Variants in THSD4 observed in about 807,000 individuals in gnomAD.
THSD4 encodes thrombospondin type-1 domain-containing protein 4.
THSD4 carries 69 observed loss-of-function variants against 119.0 expected under a neutral mutation model. That is an observed-to-expected ratio of 0.58 (90% confidence interval 0.48 to 0.71). THSD4 has a LOEUF of 0.71. THSD4 is among the 30% of genes least tolerant of loss of function. THSD4 has a pLI of 0.00. For missense variants in THSD4, 1,393 were observed against 1,391.1 expected, an observed-to-expected ratio of 1.00 and a Z score of -0.02; for synonymous variants, 524 against 540.4, an observed-to-expected ratio of 0.97 and a Z score of 0.42.
Position 71,552,062 on chromosome 15 carries a change from G to A in THSD4, c.1153-108468G>A, listed in dbSNP as rs558349794. Among the ~76,000 whole-genome samples, 18 of 151,328 alleles carry A rather than the reference G, an allele frequency of 1.2e-4. No individual in the cohort carries two copies. The South Asian group carries it at 3.4e-3, about 28-fold the overall frequency. ...CACTTTAAGTGGGAAAAGAGGGGGA[G>A]CATTCCAGGCAGAGGGAAAACATCT... is the stretch of plus-strand genomic sequence containing the variant. On this transcript the variant is annotated intron_variant, in intron 7 of 17. Transcript: ENST00000261862.
intron 2 of THSD4, among the ~76,000 whole-genome samples, chr15:71,144,889 C>A (rs1260096599): frequency 6.6e-6 from 1 of 151,964 alleles, no homozygotes; most frequent in Non-Finnish European, 1.5e-5. Flanking sequence ...TCCATGTGGA[C>A]CAAAGTGTAG....
At chr15:71,259,411 A>G (rs1201249674) in intron 6 of THSD4, among the ~76,000 whole-genome samples, 1 of 152,202 alleles carries the variant, frequency 6.6e-6, no homozygotes, top group Non-Finnish European at 1.5e-5. Context: ...CAGCTCTAGG[A>G]AACTAATACA....
chr15:71,268,787 A>G (rs1224213073), intron 6 of THSD4, among the ~76,000 whole-genome samples: 3 of 151,980 alleles, frequency 2.0e-5, no homozygotes, highest in Admixed American at 2.0e-4. Flanking sequence ...AGGGTAGATC[A>G]CTGATCCCAC....
chr15:71,227,232 A>G (rs1457252599), intron 4 of THSD4, among the ~76,000 whole-genome samples: 2 of 152,218 alleles, frequency 1.3e-5, no homozygotes, highest in Admixed American at 1.3e-4. Flanking sequence ...GAAGTATTTC[A>G]TTAGTTATCA....
At chr15:71,382,673 C>G (rs2046243227) in intron 6 of THSD4, among the ~76,000 whole-genome samples, 1 of 152,010 alleles carries the variant, frequency 6.6e-6, no homozygotes, top group Non-Finnish European at 1.5e-5. Context: ...GTTTTAATTA[C>G]CTTATATTTA....
chr15:71,463,030 C>T (rs1227100657), intron 7 of THSD4, among the ~76,000 whole-genome samples: 2 of 152,182 alleles, frequency 1.3e-5, no homozygotes, highest in Non-Finnish European at 2.9e-5. Context: ...CTGTGATCAA[C>T]TAAAATTATC....
At chr15:71,646,491 A>G (rs375029165) in intron 7 of THSD4, among the ~76,000 whole-genome samples, 7 of 152,260 alleles carry the variant, frequency 4.6e-5, no homozygotes, top group Admixed American at 3.9e-4. Flanking sequence ...TAACATTCCA[A>G]TCAGCTACTG....
rs555852167 is a variant in THSD4 at position 71,187,589 on chromosome 15, G to A, written c.100-27446G>A. On this transcript the variant is annotated intron_variant, in intron 3 of 17. Coordinates refer to ENST00000261862, the MANE Select transcript of THSD4 (RefSeq NM_024817.3). ...CAAAGGCAGTGACTTTGAAAGGACC[G>A]TGGCTGTGGAATTAGAGACAGATGC... 9 of 152,778 alleles carry A rather than the reference G, an allele frequency of 5.9e-5. 1 individual carries two copies. The South Asian group carries it at 8.3e-4, about 14-fold the overall frequency. The allele number at this position is 152,778 out of a possible 1,614,324, so 9.5% of individuals were successfully genotyped here.
chr15:71,609,854 AAAAAAAAAAAAAAG>A (rs1413174364), intron 7 of THSD4, among the ~76,000 whole-genome samples: 5 of 148,476 alleles, frequency 3.4e-5, no homozygotes, highest in Admixed American at 6.7e-5. Flanking sequence ...TCCGTCTCAA[AAAAAAAAAAAAAAG>A]AAAAAAAGAA....
At chr15:71,669,807 A>T (rs941134944) in intron 8 of THSD4, among the ~76,000 whole-genome samples, 1 of 152,146 alleles carries the variant, frequency 6.6e-6, no homozygotes, top group African/African-American at 2.4e-5. Context: ...GTTTCCTCTG[A>T]GTGTGCGTGG....
At chr15:71,549,073 T>A (rs2048886022) in intron 7 of THSD4, among the ~76,000 whole-genome samples, 1 of 152,330 alleles carries the variant, frequency 6.6e-6, no homozygotes. Flanking sequence ...CTGCTTCACC[T>A]GACAATCAGC....
At chr15:71,492,809 A>G (rs2047942212) in intron 7 of THSD4, among the ~76,000 whole-genome samples, 1 of 152,064 alleles carries the variant, frequency 6.6e-6, no homozygotes, top group Non-Finnish European at 1.5e-5. Flanking sequence ...TGCTCATGGA[A>G]CCTAGTAGCA....
In THSD4 at chr15:71,655,658, C is replaced by T. The variant is rs562766318; in HGVS notation, c.1153-4872C>T. Among the ~76,000 whole-genome samples, 65 of 152,170 alleles carry T rather than the reference C, an allele frequency of 4.3e-4. 1 individual carries two copies. In the Middle Eastern group the frequency reaches 0.01, roughly 24 times the overall value. ...ATCCCCATCCAGGCAGAAAAAAAAT[C>T]CCAGGGCTCAGAACAGCTCATCAAA... On this transcript the variant is annotated intron_variant, in intron 7 of 17. Transcript: ENST00000261862.
At chr15:71,602,664 C>T (rs2050036903) in intron 7 of THSD4, among the ~76,000 whole-genome samples, 2 of 151,626 alleles carry the variant, frequency 1.3e-5, no homozygotes, top group African/African-American at 2.4e-5. Flanking sequence ...AAAACCAAGG[C>T]TCCTGCAAGC....
intron 2 of THSD4, among the ~76,000 whole-genome samples, chr15:71,143,700 CT>C (rs546375502): frequency 2.4e-3 from 243 of 100,738 alleles, no homozygotes; most frequent in South Asian, 2.8e-3. Flanking sequence ...TTTTTTCTTT[CT>C]TTTTTTTTTT....
rs79104857 is a variant in THSD4 at position 71,320,593 on chromosome 15, A to G, written c.1015+63878A>G. Among the ~76,000 whole-genome samples the G allele has an allele frequency of 0.026, 3,922 of 152,286 alleles. 301 individuals are homozygous for G. The East Asian group carries it at 0.26, about 10-fold the overall frequency. On this transcript the variant is annotated intron_variant, in intron 6 of 17. Transcript: ENST00000261862. Reference sequence around the variant, plus strand: ...AAAGAGACAGATAACACATAGAAAAAAAGATCCAAGTAGCCCAAGAAAGCC... The same window carrying G: ...AAAGAGACAGATAACACATAGAAAAGAAGATCCAAGTAGCCCAAGAAAGCC...
intron 6 of THSD4, among the ~76,000 whole-genome samples, chr15:71,377,903 CACACACACA>C (rs1222009145): frequency 2.3e-4 from 20 of 88,346 alleles, no homozygotes; most frequent in Admixed American, 1.4e-3. Flanking sequence ...CACACACACA[CACACACACA>C]CAATTTCCTT....
intron 7 of THSD4, among the ~76,000 whole-genome samples, chr15:71,421,447 A>T (rs1032108384): frequency 2.9e-4 from 44 of 152,172 alleles, no homozygotes; most frequent in African/African-American, 7.7e-4. Context: ...ATACTATTCT[A>T]TGGTAAAAGT....
At chr15:71,292,103 T>G (rs2044800143) in intron 6 of THSD4, among the ~76,000 whole-genome samples, 1 of 152,242 alleles carries the variant, frequency 6.6e-6, no homozygotes, top group African/African-American at 2.4e-5. Flanking sequence ...GTGTTGGAAA[T>G]CATTTGTTTC....
Sources: gnomAD v4.1 joint callset for allele counts (sites outside exome capture counted in the v4.1 genomes callset) on GRCh38, gnomAD v4.1.1 for gene constraint, MANE v1.5 for transcripts, NCBI Gene and HGNC (gene_info 2026-07-23, HGNC 2026-07-21) for gene names.